The following CPED1 variants were observed in gnomAD, a reference collection of about 807,000 sequenced individuals.
CPED1 encodes the protein cadherin-like and PC-esterase domain-containing protein 1.
A neutral mutation model predicts 128.2 loss-of-function variants in CPED1; 114 were observed. The ratio of observed to expected loss-of-function variants is 0.89; its 90% confidence interval spans 0.76 to 1.04. The LOEUF (loss-of-function observed/expected upper bound fraction) is 1.04, where lower values mean the gene tolerates loss of function less well. Among genes scored for constraint, CPED1 ranks in the 50% least tolerant of loss-of-function variants. CPED1 has a pLI of 0.00. For missense variants in CPED1, 1,211 were observed against 1,207.1 expected, an observed-to-expected ratio of 1.00 and a Z score of -0.05; for synonymous variants, 462 against 426.7, an observed-to-expected ratio of 1.08 and a Z score of -1.02.
chr7:121,179,186 A>G (rs970435077), intron 16 of CPED1, among the ~76,000 whole-genome samples: 2 of 152,112 alleles, frequency 1.3e-5, no homozygotes, highest in African/African-American at 4.8e-5. Context: ...AGTCATTTAG[A>G]AGGTTAGAGA....
At chr7:121,201,855 C>G (rs186957569) in intron 16 of CPED1, among the ~76,000 whole-genome samples, 223 of 152,152 alleles carry the variant, frequency 1.5e-3, no homozygotes, top group Middle Eastern at 6.8e-3. Context: ...AGCCTGAACA[C>G]GAAAGAAGAG....
chr7:121,236,963 T>A (rs1798273930), intron 17 of CPED1, 132 bp downstream of exon 17: 1 of 451,112 alleles, frequency 2.2e-6, no homozygotes, highest in South Asian at 5.0e-5. Flanking sequence ...CTATAAAGCA[T>A]ATAATTAATG....
At chr7:121,288,809 T>C (rs1792635187) in intron 22 of CPED1, among the ~76,000 whole-genome samples, 1 of 152,202 alleles carries the variant, frequency 6.6e-6, no homozygotes, top group Non-Finnish European at 1.5e-5. Context: ...GAACTCTAGA[T>C]AAAATCGTAT....
chr7:121,101,138 C>T (rs561646932), intron 7 of CPED1, among the ~76,000 whole-genome samples: 1 of 152,074 alleles, frequency 6.6e-6, no homozygotes, highest in African/African-American at 2.4e-5. Context: ...CCCAACCTTG[C>T]CTTCTCAAGA....
chr7:121,101,169 T>A (rs798938), intron 7 of CPED1, among the ~76,000 whole-genome samples: 1 of 151,932 alleles, frequency 6.6e-6, no homozygotes, highest in Non-Finnish European at 1.5e-5. Context: ...CTCTGTACCA[T>A]GTCCCCAAAT....
chr7:121,102,587 T>C (rs1031073392), intron 7 of CPED1, among the ~76,000 whole-genome samples: 1 of 152,036 alleles, frequency 6.6e-6, no homozygotes, highest in Admixed American at 6.6e-5. Context: ...GACAGTAGGG[T>C]GGAGGAGTGA....
intron 7 of CPED1, among the ~76,000 whole-genome samples, chr7:121,110,251 C>T (rs1795077074): frequency 6.6e-6 from 1 of 152,134 alleles, no homozygotes; most frequent in Non-Finnish European, 1.5e-5. Flanking sequence ...TTATGTTGGG[C>T]TCCAGTAGCA....
intron 4 of CPED1, among the ~76,000 whole-genome samples, chr7:121,055,061 T>G: frequency 6.6e-6 from 1 of 152,182 alleles, no homozygotes; most frequent in East Asian, 1.9e-4. Flanking sequence ...TGAATAAGAT[T>G]CAATTTTATG....
intron 7 of CPED1, among the ~76,000 whole-genome samples, chr7:121,120,970 A>AT (rs1184401304): frequency 1.3e-3 from 84 of 63,778 alleles, no homozygotes; most frequent in African/African-American, 4.2e-3. Context: ...CTGACCTAAA[A>AT]AAAAAAAAAA....
intron 3 of CPED1, among the ~76,000 whole-genome samples, chr7:121,025,739 T>C (rs1383611245): frequency 6.6e-6 from 1 of 152,168 alleles, no homozygotes; most frequent in Non-Finnish European, 1.5e-5. Context: ...GTCATTTTTT[T>C]CCTTTTCTTG....
intron 16 of CPED1, among the ~76,000 whole-genome samples, chr7:121,176,509 G>T (rs974735417): frequency 1.3e-5 from 2 of 151,658 alleles, no homozygotes; most frequent in Non-Finnish European, 2.9e-5. Flanking sequence ...ATACATATAA[G>T]CCAACTGGAT....
chr7:121,154,967 A>G (rs899321336), intron 16 of CPED1, among the ~76,000 whole-genome samples: 5 of 152,226 alleles, frequency 3.3e-5, no homozygotes, highest in African/African-American at 9.6e-5. Flanking sequence ...TTATACCTAG[A>G]AAATCCTAAA....
At chr7:121,274,730 C>G (rs1024078138) in intron 22 of CPED1, among the ~76,000 whole-genome samples, 1 of 152,118 alleles carries the variant, frequency 6.6e-6, no homozygotes, top group African/African-American at 2.4e-5. Context: ...CTGACACTGA[C>G]ATTTTATAAT....
intron 22 of CPED1, among the ~76,000 whole-genome samples, chr7:121,272,533 C>T (rs1248740401): frequency 6.6e-6 from 1 of 152,060 alleles, no homozygotes; most frequent in Non-Finnish European, 1.5e-5. Flanking sequence ...GTCTATCACT[C>T]TGTTGAGGAT....
intron 16 of CPED1, among the ~76,000 whole-genome samples, chr7:121,215,597 C>T (rs949141054): frequency 6.6e-6 from 1 of 151,998 alleles, no homozygotes; most frequent in Non-Finnish European, 1.5e-5. Flanking sequence ...GGGTCTAGAG[C>T]ACAGTTTTTA....
Position 121,266,453 on chromosome 7 carries a change from A to G in CPED1, c.2531+6A>G. 1 of 1,605,204 alleles carries G rather than the reference A, an allele frequency of 6.2e-7. No homozygotes were observed. Among genetic ancestry groups the G allele is most frequent in the Non-Finnish European group, 8.5e-7 (1 of 1,172,368 alleles). On this transcript the variant is annotated splice_donor_region_variant and intron_variant, in intron 19 of 22. Coordinates refer to ENST00000310396, the MANE Select transcript of CPED1 (RefSeq NM_024913.5). ...CTTGAACACCTCTTGCAAAGGTACA[A>G]TGAAACTATAATGAAAGACACAAAA...
chr7:121,253,909 G>A (rs1798745302), intron 18 of CPED1, among the ~76,000 whole-genome samples: 1 of 151,984 alleles, frequency 6.6e-6, no homozygotes. Context: ...GAAGCACCTA[G>A]ATTCATAAAA....
intron 17 of CPED1, among the ~76,000 whole-genome samples, chr7:121,239,229 C>T (rs1798329754): frequency 6.6e-6 from 1 of 151,986 alleles, no homozygotes; most frequent in Admixed American, 6.6e-5. Flanking sequence ...ATTTTAAAAG[C>T]ACATTACAGC....
At chr7:121,236,384 A>G (rs908024553) in intron 16 of CPED1, among the ~76,000 whole-genome samples, 1 of 152,176 alleles carries the variant, frequency 6.6e-6, no homozygotes, top group South Asian at 2.1e-4. Context: ...CCCTTCTCAC[A>G]TGAACCGTCT....
Sources: allele counts gnomAD v4.1 joint callset (sites outside exome capture counted in the v4.1 genomes callset), GRCh38; gene constraint gnomAD v4.1.1; transcripts MANE v1.5; gene names NCBI Gene and HGNC (gene_info 2026-07-23, HGNC 2026-07-21).